ANKFN1: variants seen among roughly 807,000 people sequenced by gnomAD.
ANKFN1 encodes the protein ankyrin repeat and fibronectin type-III domain-containing protein 1.
ANKFN1 carries 74 observed loss-of-function variants against 108.7 expected under a neutral mutation model. That is an observed-to-expected ratio of 0.68 (90% CI 0.56 to 0.83). The LOEUF (loss-of-function observed/expected upper bound fraction) is 0.83. Ranked by LOEUF, ANKFN1 falls within the 40% of genes least tolerant of loss-of-function variation. The probability of loss-of-function intolerance (pLI) is 0.00; values close to 1 mark genes in which losing one functional copy is unlikely to be tolerated. For synonymous variants in ANKFN1, 547 were observed against 516.2 expected (o/e 1.06, Z -0.81); for missense variants, 1,505 against 1,382.3 (o/e 1.09, Z -1.41).
chr17:56,126,143 G>T (rs891744524), intron 4 of ANKFN1, among the ~76,000 whole-genome samples: 2 of 152,210 alleles, frequency 1.3e-5, no homozygotes, highest in African/African-American at 2.4e-5. Flanking sequence ...AAAGCTGCTG[G>T]TGATGCCCAG....
At chr17:56,392,072 T>C (rs1444223975) in intron 8 of ANKFN1, among the ~76,000 whole-genome samples, 1 of 152,170 alleles carries the variant, frequency 6.6e-6, no homozygotes, top group Non-Finnish European at 1.5e-5. Context: ...GGTTCCTACA[T>C]GCCAAGCCAT....
chr17:56,461,454 C>T (rs2049900045), intron 14 of ANKFN1, among the ~76,000 whole-genome samples: 1 of 152,198 alleles, frequency 6.6e-6, no homozygotes, highest in Admixed American at 6.5e-5. Context: ...ACTTGCTGGT[C>T]TTTCTCCGTA....
At chr17:56,441,575 G>A (rs2049107595) in intron 9 of ANKFN1, among the ~76,000 whole-genome samples, 1 of 152,170 alleles carries the variant, frequency 6.6e-6, no homozygotes, top group Admixed American at 6.5e-5. Context: ...TGGCTCACAA[G>A]ATGGAAGAGG....
chr17:56,159,026 T>C (rs1472974274), intron 1 of ANKFN1, among the ~76,000 whole-genome samples: 62 of 103,326 alleles, frequency 6.0e-4, no homozygotes, highest in African/African-American at 2.2e-3. Context: ...CTAGGAATGG[T>C]CTAGGCCAAA....
At chr17:56,260,426 A>G (rs974026749) in intron 3 of ANKFN1, among the ~76,000 whole-genome samples, 6 of 150,138 alleles carry the variant, frequency 4.0e-5, no homozygotes, top group African/African-American at 1.5e-4. Context: ...GGGGCGGGGT[A>G]GGGGTGCTGA....
At chr17:56,385,654 T>G (rs1036910699) in intron 8 of ANKFN1, among the ~76,000 whole-genome samples, 12 of 152,034 alleles carry the variant, frequency 7.9e-5, no homozygotes, top group Admixed American at 3.3e-4. Context: ...TCAAAAAGTG[T>G]GCGAAGGACA....
chr17:56,479,683 T>G (rs997594464), intron 16 of ANKFN1, among the ~76,000 whole-genome samples: 2 of 152,248 alleles, frequency 1.3e-5, no homozygotes, highest in Non-Finnish European at 2.9e-5. Flanking sequence ...ACCCACAGAT[T>G]GGAGCCCAGC....
chr17:56,230,382 AC>A (rs1184415136), intron 3 of ANKFN1, among the ~76,000 whole-genome samples: 1 of 151,884 alleles, frequency 6.6e-6, no homozygotes, highest in African/African-American at 2.4e-5. Flanking sequence ...TTTTCTCCTG[AC>A]CCCTTCAAAG....
intron 10 of ANKFN1, among the ~76,000 whole-genome samples, chr17:56,446,935 T>C (rs2145190634): frequency 6.6e-6 from 1 of 151,256 alleles, no homozygotes; most frequent in East Asian, 2.0e-4. Flanking sequence ...AACCTCACTT[T>C]ATAGGCCAGG....
chr17:56,433,625 C>T (rs1436475102), intron 8 of ANKFN1, among the ~76,000 whole-genome samples: 3 of 151,982 alleles, frequency 2.0e-5, no homozygotes, highest in Non-Finnish European at 2.9e-5. Context: ...GAAGCTAAAG[C>T]TATGAGGATA....
At chr17:56,308,935 A>G (rs2144421325) in intron 3 of ANKFN1, among the ~76,000 whole-genome samples, 1 of 152,310 alleles carries the variant, frequency 6.6e-6, no homozygotes, top group Non-Finnish European at 1.5e-5. Flanking sequence ...GTCCTGGTAT[A>G]TAATTATTTT....
chr17:56,470,202 A>G (rs1471042304), intron 15 of ANKFN1, among the ~76,000 whole-genome samples: 1 of 152,084 alleles, frequency 6.6e-6, no homozygotes, highest in African/African-American at 2.4e-5. Flanking sequence ...TGGGCATTTG[A>G]GTTGATTCCA....
chr17:56,257,640 C>A (rs1179005270), intron 3 of ANKFN1, among the ~76,000 whole-genome samples: 1 of 152,154 alleles, frequency 6.6e-6, no homozygotes, highest in African/African-American at 2.4e-5. Flanking sequence ...GGACACGGGG[C>A]CTGTTCAAGG....
upstream of ANKFN1, among the ~76,000 whole-genome samples, chr17:56,150,133 C>G (rs757419495): frequency 6.6e-6 from 1 of 152,198 alleles, no homozygotes; most frequent in Non-Finnish European, 1.5e-5. Flanking sequence ...CCTGCAGACA[C>G]CTATGCACAC....
chr17:56,172,873 A>G (rs1442497834), intron 1 of ANKFN1, among the ~76,000 whole-genome samples: 1 of 152,172 alleles, frequency 6.6e-6, no homozygotes, highest in Non-Finnish European at 1.5e-5. Context: ...GCAGACAGGG[A>G]CACACTGATC....
At chr17:56,441,903 CT>C (rs980270788) in intron 9 of ANKFN1, among the ~76,000 whole-genome samples, 286 of 145,264 alleles carry the variant, frequency 2.0e-3, no homozygotes, top group East Asian at 8.1e-3. Context: ...CAAAGATGTG[CT>C]TTTTTTTTTT....
intron 4 of ANKFN1, among the ~76,000 whole-genome samples, chr17:56,060,940 T>C (rs1904962105): frequency 6.6e-6 from 1 of 152,200 alleles, no homozygotes; most frequent in Non-Finnish European, 1.5e-5. Context: ...TAATTCTGGC[T>C]TCATCATAAA....
intron 1 of ANKFN1, among the ~76,000 whole-genome samples, chr17:56,177,203 C>T (rs979479671): frequency 6.6e-6 from 1 of 152,182 alleles, no homozygotes; most frequent in Non-Finnish European, 1.5e-5. Flanking sequence ...TTTGGTTTTC[C>T]CAAGGGGGTT....
Position 56,193,308 on chromosome 17 carries a change from C to T in ANKFN1, c.-70-19290C>T, listed in dbSNP as rs1422493968. On this transcript the variant is annotated intron_variant, in intron 1 of 20. Coordinates refer to ENST00000682825, the MANE Select transcript of ANKFN1 (RefSeq NM_001370326.1). ...GGGAGATATACCTAATGCTAGATGA[C>T]GAGTTAGTGGGTGCAGCGCACCAGC... is the stretch of plus-strand genomic sequence containing the variant. Among the ~76,000 whole-genome samples the T allele has an allele frequency of 4.9e-3, 676 of 138,600 alleles. 3 individuals carry two copies. The highest frequency in any genetic ancestry group is 0.018 in the African/African-American group (644 of 36,278). 90.9% of individuals were successfully genotyped at this position (138,600 alleles called of 152,430 possible). A position where few individuals can be genotyped will look rare whatever the true frequency, so the allele number is the denominator to read the frequency against.
Sources: gnomAD v4.1 joint callset for allele counts (sites outside exome capture counted in the v4.1 genomes callset) on GRCh38, gnomAD v4.1.1 for gene constraint, MANE v1.5 for transcripts, NCBI Gene and HGNC (gene_info 2026-07-23, HGNC 2026-07-21) for gene names.